The following PDSS2 variants were observed in gnomAD, a reference collection of about 807,000 sequenced individuals.
PDSS2 encodes the protein all trans-polyprenyl-diphosphate synthase PDSS2.
In PDSS2, 31 loss-of-function variants were observed where a neutral mutation model predicts 44.5. That is an observed-to-expected ratio of 0.70 (90% CI 0.52 to 0.94). The LOEUF is 0.94. PDSS2 is among the 40% of genes least tolerant of loss of function. The pLI is 0.00. For synonymous variants in PDSS2, 157 were observed against 180.3 expected, an observed-to-expected ratio of 0.87 and a Z score of 1.03; for missense variants, 452 against 482.2, an observed-to-expected ratio of 0.94 and a Z score of 0.59.
intron 2 of PDSS2, among the ~76,000 whole-genome samples, chr6:107,313,258 C>T (rs1777099530): frequency 6.6e-6 from 1 of 152,150 alleles, no homozygotes; most frequent in African/African-American, 2.4e-5. Context: ...GAATATATTA[C>T]AATTACACAT....
intron 2 of PDSS2, among the ~76,000 whole-genome samples, chr6:107,326,752 T>G (rs887405944): frequency 4.0e-5 from 6 of 151,386 alleles, no homozygotes; most frequent in Non-Finnish European, 8.8e-5. Context: ...CCTGGGAGGC[T>G]GAGGCAGGAG....
chr6:107,408,443 T>C (rs1780390118), intron 1 of PDSS2, among the ~76,000 whole-genome samples: 1 of 152,222 alleles, frequency 6.6e-6, no homozygotes, highest in Non-Finnish European at 1.5e-5. Context: ...CCCAAGGACA[T>C]GCTATAGGGA....
At chr6:107,247,215 G>A (rs1774651463) in intron 3 of PDSS2, among the ~76,000 whole-genome samples, 1 of 152,204 alleles carries the variant, frequency 6.6e-6, no homozygotes, top group Non-Finnish European at 1.5e-5. Context: ...AAATGTTATG[G>A]TTTTGAAACA....
chr6:107,358,558 A>T (rs1054478420), intron 1 of PDSS2, among the ~76,000 whole-genome samples: 6 of 152,226 alleles, frequency 3.9e-5, no homozygotes, highest in Admixed American at 1.3e-4. Flanking sequence ...GAGAATAAAG[A>T]TGGTACAACA....
intron 2 of PDSS2, among the ~76,000 whole-genome samples, chr6:107,278,545 G>A (rs147080282): frequency 2.6e-5 from 4 of 152,284 alleles, no homozygotes; most frequent in African/African-American, 9.6e-5. Context: ...AGTAAAAAGC[G>A]TTAAGCATTT....
chr6:107,228,500 C>T (rs1447259412), intron 4 of PDSS2, among the ~76,000 whole-genome samples: 1 of 152,070 alleles, frequency 6.6e-6, no homozygotes, highest in Non-Finnish European at 1.5e-5. Context: ...TCGAGACCAG[C>T]CTGGCCAACG....
In PDSS2 at chr6:107,451,081, C is replaced by G. The variant is rs1254838613; in HGVS notation, c.296+7909G>C. Reference sequence around the variant, plus strand: ...TCCTGGACTCAAGTGATCTGCCTGCCTCAGCCTCCCAAAGTGCTGGGATTA... The same window carrying G: ...TCCTGGACTCAAGTGATCTGCCTGCGTCAGCCTCCCAAAGTGCTGGGATTA... On this transcript the variant is annotated intron_variant, in intron 1 of 7. Coordinates refer to ENST00000369037, the MANE Select transcript of PDSS2 (RefSeq NM_020381.4). Among the ~76,000 whole-genome samples the G allele has an allele frequency of 2.6e-5, 4 of 152,196 alleles. No homozygotes were observed. In the East Asian group the frequency reaches 5.8e-4, roughly 22 times the overall value.
At chr6:107,325,346 C>T (rs1777504635) in intron 2 of PDSS2, among the ~76,000 whole-genome samples, 1 of 152,108 alleles carries the variant, frequency 6.6e-6, no homozygotes, top group Non-Finnish European at 1.5e-5. Context: ...CTGATAAATC[C>T]ATTTAAAAGT....
Position 107,154,574 on chromosome 6 carries a change from CT to C in PDSS2, c.*44del. 1 of 1,594,812 alleles carries C rather than the reference CT, an allele frequency of 6.3e-7. No homozygotes were observed. Among genetic ancestry groups the C allele is most frequent in the Non-Finnish European group, 8.6e-7 (1 of 1,162,704 alleles). On this transcript the variant is annotated 3_prime_UTR_variant, in exon 8 of 8. Transcript: ENST00000369037. The stretch of plus-strand genomic sequence containing the variant: ...AAGCGCTCCCAATCAACCTCATTCC[CT>C]AGGATTTTCAGCTAACTAACAATAG...
At chr6:107,404,556 C>T (rs375023314) in intron 1 of PDSS2, among the ~76,000 whole-genome samples, 11 of 152,246 alleles carry the variant, frequency 7.2e-5, no homozygotes, top group South Asian at 2.1e-4. Context: ...CTCACAATCA[C>T]GGCAGAAAGC....
intron 1 of PDSS2, among the ~76,000 whole-genome samples, chr6:107,429,884 C>CAAAAAAA (rs1163895804): frequency 0.019 from 101 of 5,362 alleles, 7 homozygotes; most frequent in South Asian, 0.033. Flanking sequence ...AACTTAGTCT[C>CAAAAAAA]AAAAAAAAAA....
chr6:107,326,760 G>A (rs978789752), intron 2 of PDSS2, among the ~76,000 whole-genome samples: 2 of 151,726 alleles, frequency 1.3e-5, no homozygotes, highest in Admixed American at 6.6e-5. Context: ...GCTGAGGCAG[G>A]AGAATCATCT....
intron 1 of PDSS2, among the ~76,000 whole-genome samples, chr6:107,424,167 A>C (rs753773793): frequency 1.5e-4 from 23 of 150,596 alleles, no homozygotes; most frequent in Non-Finnish European, 2.7e-4. Flanking sequence ...ACAGCATCTC[A>C]AGTAACTGGG....
At chr6:107,348,422 A>G (rs1778322521) in intron 1 of PDSS2, among the ~76,000 whole-genome samples, 1 of 152,238 alleles carries the variant, frequency 6.6e-6, no homozygotes, top group Non-Finnish European at 1.5e-5. Context: ...CCAGGAACCA[A>G]TAATGTTGAG....
chr6:107,457,502 G>T (rs1044858740), intron 1 of PDSS2, among the ~76,000 whole-genome samples: 2 of 152,028 alleles, frequency 1.3e-5, no homozygotes, highest in African/African-American at 4.8e-5. Flanking sequence ...ATTTCTTGTG[G>T]GTCTGTCCTG....
In PDSS2 at chr6:107,336,278, G is replaced by A. The variant is rs1275748957; in HGVS notation, c.297-1946C>T. Among the ~76,000 whole-genome samples the A allele has an allele frequency of 1.7e-3, 255 of 146,348 alleles. 2 individuals carry two copies. Among genetic ancestry groups the A allele is most frequent in the African/African-American group, 5.9e-3 (234 of 39,590 alleles). On this transcript the variant is annotated intron_variant, in intron 1 of 7. Coordinates refer to ENST00000369037, the MANE Select transcript of PDSS2 (RefSeq NM_020381.4). ...CTCAGAAAAAAAAAAAAAAAAAAAG[G>A]AAAATCTTTGCCCCTCCAGTCTCCA... is the stretch of plus-strand genomic sequence containing the variant.
intron 4 of PDSS2, among the ~76,000 whole-genome samples, chr6:107,214,111 T>C (rs1773325667): frequency 6.6e-6 from 1 of 151,528 alleles, no homozygotes. Flanking sequence ...TTTTACACTT[T>C]TTTTTTTTTT....
Position 107,273,397 on chromosome 6 carries a change from T to C in PDSS2, c.630+632A>G, listed in dbSNP as rs571846671. 3.9e-5 allele frequency among the ~76,000 whole-genome samples: 6 copies of C among 152,064 alleles called. No homozygotes were observed. The South Asian group carries it at 1.2e-3, about 32-fold the overall frequency. On this transcript the variant is annotated intron_variant, in intron 3 of 7. Coordinates refer to ENST00000369037, the MANE Select transcript of PDSS2 (RefSeq NM_020381.4). ...AGGTCTTTATCTTAAAGAAATAATC[T>C]GGAATAGGGAAAATTGATATGCAAA...
At chr6:107,218,237 G>C (rs568216399) in intron 4 of PDSS2, among the ~76,000 whole-genome samples, 2 of 152,158 alleles carry the variant, frequency 1.3e-5, no homozygotes, top group East Asian at 3.9e-4. Flanking sequence ...AAAGGTTACA[G>C]TCTGTTGTTC....
Sources: gnomAD v4.1 joint callset for allele counts (sites outside exome capture counted in the v4.1 genomes callset) on GRCh38, gnomAD v4.1.1 for gene constraint, MANE v1.5 for transcripts, NCBI Gene and HGNC (gene_info 2026-07-23, HGNC 2026-07-21) for gene names.